PPP1R14C: variants seen among roughly 807,000 people sequenced by gnomAD.
PPP1R14C encodes protein phosphatase 1 regulatory inhibitor subunit 14C, also known as protein phosphatase 1 regulatory subunit 14C.
A neutral mutation model predicts 20.4 loss-of-function variants in PPP1R14C; 16 were observed. The ratio of observed to expected loss-of-function variants is 0.78; its 90% CI spans 0.53 to 1.19. The LOEUF is 1.19. Ranked by LOEUF, PPP1R14C falls within the 50% of genes most tolerant of loss-of-function variation. PPP1R14C has a pLI of 0.00. For synonymous variants in PPP1R14C, 91 were observed against 91.0 expected (o/e 1.00, Z 0.00); for missense variants, 211 against 220.1 (o/e 0.96, Z 0.26).
intron 1 of PPP1R14C, among the ~76,000 whole-genome samples, chr6:150,160,606 C>A (rs1005589269): frequency 6.6e-6 from 1 of 151,944 alleles, no homozygotes; most frequent in African/African-American, 2.4e-5. Context: ...TTATGTTCTG[C>A]CTCATTGTGT....
intron 1 of PPP1R14C, among the ~76,000 whole-genome samples, chr6:150,152,483 T>A (rs1229636144): frequency 6.6e-6 from 1 of 152,078 alleles, no homozygotes; most frequent in Non-Finnish European, 1.5e-5. Context: ...TGCCCCAGTC[T>A]CTGGACTTGT....
chr6:150,186,994 A>G (rs1476299898), intron 1 of PPP1R14C, among the ~76,000 whole-genome samples: 1 of 148,928 alleles, frequency 6.7e-6, no homozygotes, highest in African/African-American at 2.5e-5. Context: ...TTTTTTTTTG[A>G]GACGGAGTTT....
intron 1 of PPP1R14C, among the ~76,000 whole-genome samples, chr6:150,183,332 T>C (rs182140056): frequency 6.6e-6 from 1 of 152,308 alleles, no homozygotes; most frequent in African/African-American, 2.4e-5. Context: ...GTATGTAAAT[T>C]CAACTTTATT....
intron 1 of PPP1R14C, among the ~76,000 whole-genome samples, chr6:150,157,691 G>A (rs1777320203): frequency 6.6e-6 from 1 of 152,158 alleles, no homozygotes; most frequent in Non-Finnish European, 1.5e-5. Flanking sequence ...GGTCAAAGGG[G>A]AAGTGGACAC....
At chr6:150,188,125 T>C (rs928918562) in intron 1 of PPP1R14C, among the ~76,000 whole-genome samples, 8 of 152,218 alleles carry the variant, frequency 5.3e-5, no homozygotes, top group Non-Finnish European at 8.8e-5. Context: ...CTTTATTTTA[T>C]TGGGTGGTTG....
rs1372567399 is a variant in PPP1R14C, at chr6:150,143,146, C to G, written c.-47C>G. 8.3e-7 allele frequency: 1 copy of G among 1,201,208 alleles called. No homozygotes were observed. Among genetic ancestry groups the G allele is most frequent in the African/African-American group, 1.6e-5 (1 of 62,580 alleles). 74.4% of individuals were successfully genotyped at this position (1,201,208 alleles called of 1,614,324 possible). A position where few individuals can be genotyped will look rare whatever the true frequency, so the allele number is the denominator to read the frequency against. On this transcript the variant is annotated 5_prime_UTR_variant, in exon 1 of 4. Coordinates refer to ENST00000361131, the MANE Select transcript of PPP1R14C (RefSeq NM_030949.3). The surrounding 1 kb of genome is among the most constrained non-coding windows in gnomAD (Gnocchi z 5.6). The stretch of plus-strand genomic sequence containing the variant: ...GGTGGTAGCGGCGCCGGGCGCGCTC[C>G]GCCCGCCCCTCCTCCGGGCCGCACT...
chr6:150,198,656 G>C (rs1246746046), intron 1 of PPP1R14C, among the ~76,000 whole-genome samples: 1 of 152,252 alleles, frequency 6.6e-6, no homozygotes, highest in African/African-American at 2.4e-5. Context: ...TCTGTTCTCA[G>C]AGGGGCTCAG....
chr6:150,235,419 T>C (rs1031885191), intron 3 of PPP1R14C, among the ~76,000 whole-genome samples: 5 of 152,234 alleles, frequency 3.3e-5, no homozygotes, highest in Non-Finnish European at 5.9e-5. Context: ...TTGATAGTCA[T>C]GGTGGTTTCC....
chr6:150,160,256 CT>C lies in PPP1R14C; in HGVS notation c.306+16784del, dbSNP rs535189665. On this transcript the variant is annotated intron_variant, in intron 1 of 3. Transcript: ENST00000361131. ...AGAAAATCACTATGTGTAGCTCATT[CT>C]TTTTTTTTTTTTTTTTTTTTTTTTT... Among the ~76,000 whole-genome samples, 479 of 100,772 alleles carry C rather than the reference CT, an allele frequency of 4.8e-3. 1 individual carries two copies. Among genetic ancestry groups the C allele is most frequent in the African/African-American group, 0.016 (384 of 24,130 alleles). The allele number at this position is 100,772 out of a possible 152,430, so 66.1% of individuals were successfully genotyped here.
intron 3 of PPP1R14C, among the ~76,000 whole-genome samples, chr6:150,229,949 G>A (rs1365642511): frequency 1.3e-5 from 2 of 152,176 alleles, no homozygotes; most frequent in East Asian, 3.9e-4. Flanking sequence ...CTGTGGAGCT[G>A]ATTCATGCCT....
chr6:150,237,943 C>A (rs1284674563), intron 3 of PPP1R14C, among the ~76,000 whole-genome samples: 3 of 152,034 alleles, frequency 2.0e-5, no homozygotes, highest in African/African-American at 7.2e-5. Context: ...TAAGCCAAAC[C>A]TTTTTCTTCT....
intron 1 of PPP1R14C, among the ~76,000 whole-genome samples, chr6:150,181,253 T>G (rs1449597614): frequency 3.3e-5 from 5 of 152,178 alleles, no homozygotes; most frequent in Non-Finnish European, 7.4e-5. Flanking sequence ...CTCATCTCAC[T>G]GCAACCTCCA....
chr6:150,218,321 T>G (rs2114913638), intron 3 of PPP1R14C, among the ~76,000 whole-genome samples: 1 of 151,970 alleles, frequency 6.6e-6, no homozygotes, highest in African/African-American at 2.4e-5. Context: ...GAGAATGGCG[T>G]GAACCTGGGA....
chr6:150,220,067 CT>C (rs1365490084), intron 3 of PPP1R14C, among the ~76,000 whole-genome samples: 12 of 152,116 alleles, frequency 7.9e-5, no homozygotes. Flanking sequence ...GTTGGCCAGG[CT>C]GGTCTGAAAC....
chr6:150,165,222 C>T (rs1777410645), intron 1 of PPP1R14C, among the ~76,000 whole-genome samples: 1 of 152,262 alleles, frequency 6.6e-6, no homozygotes, highest in African/African-American at 2.4e-5. Context: ...TATACTCCAT[C>T]TTCATTTCCT....
chr6:150,210,453 C>T (rs982578425), intron 1 of PPP1R14C, among the ~76,000 whole-genome samples: 2 of 152,206 alleles, frequency 1.3e-5, no homozygotes, highest in Admixed American at 6.5e-5. Context: ...CCTGTTGCTT[C>T]GCACCTGATA....
At chr6:150,204,996 C>CTTTTTTTTTTTTTTTT (rs10683235) in intron 1 of PPP1R14C, among the ~76,000 whole-genome samples, 1 of 143,332 alleles carries the variant, frequency 7.0e-6, no homozygotes. Context: ...AACTCAGAGT[C>CTTTTTTTTTTTTTTTT]TTTTTTTTTT....
chr6:150,159,612 G>A (rs1357463838), intron 1 of PPP1R14C, among the ~76,000 whole-genome samples: 1 of 97,682 alleles, frequency 1.0e-5, no homozygotes, highest in Admixed American at 1.3e-4. Flanking sequence ...TCTCTGCCAG[G>A]CATTCTTTTT....
chr6:150,179,404 A>AAG (rs1166103443), intron 1 of PPP1R14C, among the ~76,000 whole-genome samples: 7 of 137,932 alleles, frequency 5.1e-5, no homozygotes, highest in Admixed American at 7.1e-5. Flanking sequence ...GAAAGAGAGA[A>AAG]AGAGAGAGAG....
Sources: gnomAD v4.1 joint callset for allele counts (sites outside exome capture counted in the v4.1 genomes callset) on GRCh38, gnomAD v4.1.1 for gene constraint, Gnocchi (gnomAD v3.1) non-coding constraint, MANE v1.5 for transcripts, NCBI Gene and HGNC (gene_info 2026-07-23, HGNC 2026-07-21) for gene names.